Variants in MID1 observed in about 807,000 individuals in gnomAD.
MID1 encodes E3 ubiquitin-protein ligase Midline-1.
A neutral mutation model predicts 40.4 loss-of-function variants in MID1; 7 were observed. The ratio of observed to expected loss-of-function variants is 0.17; its 90% CI spans 0.10 to 0.33. The LOEUF (loss-of-function observed/expected upper bound fraction) is 0.33, where lower values mean the gene tolerates loss of function less well. Among genes scored for constraint, MID1 ranks in the 10% least tolerant of loss-of-function variants. The probability of loss-of-function intolerance (pLI) is 1.00; values close to 1 mark genes in which losing one functional copy is unlikely to be tolerated. For missense variants in MID1, 367 were observed against 558.5 expected, an observed-to-expected ratio of 0.66 and a Z score of 3.46; for synonymous variants, 229 against 221.2, an observed-to-expected ratio of 1.04 and a Z score of -0.31.
intron 1 of MID1, among the ~76,000 whole-genome samples, chrX:10,583,395 C>A (rs1275279051): frequency 1.8e-5 from 2 of 111,650 alleles, no homozygotes; most frequent in African/African-American, 6.5e-5. Context: ...TTTTTCCCTG[C>A]CAATAAACAA....
In MID1 at chrX:10,494,642, C is replaced by T. The variant is rs141268249; in HGVS notation, c.864+942G>A. 6.5e-3 allele frequency among the ~76,000 whole-genome samples: 705 copies of T among 108,714 alleles called. 3 individuals carry two copies. The highest frequency in any genetic ancestry group is 0.024 in the Middle Eastern group (5 of 212). 94.4% of individuals were successfully genotyped at this position (108,714 alleles called of 115,157 possible). ...TATAAAAATTAGCCAGGTGTGGTGG[C>T]CCATGCCTGTAGTCCCAGCTACTCA... On this transcript the variant is annotated intron_variant, in intron 4 of 9. Coordinates refer to ENST00000317552, the MANE Select transcript of MID1 (RefSeq NM_000381.4).
At position 10,530,569 on chromosome X, in the gene MID1, C is replaced by CA. The variant is rs200424658; in HGVS notation, c.661-7383dup. ...TTTCTTATAATTTTTATTTTTAATGCACACATTTTGGATGCATCTTCACAG... is the reference window on the plus strand; with the variant it reads ...TTTCTTATAATTTTTATTTTTAATGCAACACATTTTGGATGCATCTTCACAG... On this transcript the variant is annotated intron_variant, in intron 2 of 9. Coordinates refer to ENST00000317552, the MANE Select transcript of MID1 (RefSeq NM_000381.4). Among the ~76,000 whole-genome samples the CA allele has an allele frequency of 5.5e-3, 621 of 112,303 alleles. 8 individuals are homozygous for CA. Among genetic ancestry groups the CA allele is most frequent in the African/African-American group, 0.019 (598 of 30,932 alleles).
chrX:10,564,507 G>C (rs535214251), intron 2 of MID1, among the ~76,000 whole-genome samples: 2 of 111,809 alleles, frequency 1.8e-5, no homozygotes, highest in South Asian at 7.5e-4. Context: ...CGGTGCATTG[G>C]ATGCTGTTTA....
chrX:10,539,724 T>C (rs1282377544), intron 2 of MID1, among the ~76,000 whole-genome samples: 4 of 111,438 alleles, frequency 3.6e-5, no homozygotes, highest in African/African-American at 1.3e-4. Flanking sequence ...CAAAAAAAAA[T>C]CAAACCCTCT....
chrX:10,547,190 G>A (rs760443582), intron 2 of MID1, among the ~76,000 whole-genome samples: 243 of 110,849 alleles, frequency 2.2e-3, no homozygotes, highest in Non-Finnish European at 3.4e-3. Flanking sequence ...CTACTCTGGA[G>A]GCTGAGCCGG....
At chrX:10,696,075 GC>G (rs2043161903) in intron 1 of MID1, among the ~76,000 whole-genome samples, 1 of 110,826 alleles carries the variant, frequency 9.0e-6, no homozygotes, top group Non-Finnish European at 1.9e-5. Flanking sequence ...GGGAAAGACA[GC>G]CTCCCAATAC....
chrX:10,553,794 G>A (rs1179521956), intron 2 of MID1, among the ~76,000 whole-genome samples: 5 of 111,703 alleles, frequency 4.5e-5, no homozygotes, highest in Non-Finnish European at 9.4e-5. Flanking sequence ...GTGGAAACTA[G>A]CTCATCCTCA....
chrX:10,565,430 T>C, intron 2 of MID1: 1 of 331,395 alleles, frequency 3.0e-6, no homozygotes, highest in South Asian at 2.6e-5. Context: ...GAATAAACTA[T>C]GTGGTCCCAG....
intron 9 of MID1, among the ~76,000 whole-genome samples, chrX:10,454,155 TC>T (rs58245855): frequency 0.013 from 1,424 of 112,100 alleles, 21 homozygotes; most frequent in African/African-American, 0.044. Context: ...TTGCCCTTAT[TC>T]TTAGAGAACT....
intron 2 of MID1, among the ~76,000 whole-genome samples, chrX:10,556,897 T>C (rs893649453): frequency 2.7e-5 from 3 of 112,409 alleles, no homozygotes; most frequent in Non-Finnish European, 5.6e-5. Context: ...TTTAGCCACA[T>C]TCAGTTTCTC....
chrX:10,613,724 TATATATATAGAGAGAGAGAG>T (rs1342238952), intron 1 of MID1, among the ~76,000 whole-genome samples: 4 of 54,499 alleles, frequency 7.3e-5, no homozygotes, highest in South Asian at 9.3e-4. Flanking sequence ...TATATATATA[TATATATATAGAGAGAGAGAG>T]AGAGAGAGAG....
At chrX:10,817,572 CTCTCTTTCTTTCTT>C (rs1569178006) in intron 1 of MID1, among the ~76,000 whole-genome samples, 6 of 79,516 alleles carry the variant, frequency 7.5e-5, no homozygotes, top group African/African-American at 3.1e-4. Flanking sequence ...TTCTTTCTTT[CTCTCTTTCTTTCTT>C]TCTCTCTCTC....
chrX:10,538,062 C>T (rs183259232), intron 2 of MID1, among the ~76,000 whole-genome samples: 46 of 111,592 alleles, frequency 4.1e-4, no homozygotes, highest in Non-Finnish European at 8.1e-4. Context: ...GCCTTGACCT[C>T]CCAGGTTCAA....
chrX:10,494,484 T>A (rs146541073), intron 4 of MID1, among the ~76,000 whole-genome samples: 3,715 of 111,468 alleles, frequency 0.033, 173 homozygotes, highest in African/African-American at 0.11. Flanking sequence ...AAAATTATCC[T>A]TGGCCAGGCA....
intron 1 of MID1, among the ~76,000 whole-genome samples, chrX:10,632,673 AGGTAGGGCCGATGCTGTT>A (rs1231428724): frequency 2.7e-5 from 3 of 110,618 alleles, no homozygotes; most frequent in Non-Finnish European, 3.8e-5. Flanking sequence ...ACAAGTTCCC[AGGTAGGGCCGATGCTGTT>A]GGTTTTGGAA....
At chrX:10,797,837 G>A (rs1046148441) in intron 1 of MID1, among the ~76,000 whole-genome samples, 9 of 111,666 alleles carry the variant, frequency 8.1e-5, no homozygotes, top group African/African-American at 2.9e-4. Flanking sequence ...TCGATGCATT[G>A]TTACTCCTTA....
At chrX:10,601,876 A>AGTTTTT (rs1331447442) in intron 1 of MID1, among the ~76,000 whole-genome samples, 5 of 106,911 alleles carry the variant, frequency 4.7e-5, no homozygotes, top group South Asian at 4.1e-4. Flanking sequence ...ATGGAATTGG[A>AGTTTTT]GTTTTTGTTT....
intron 1 of MID1, among the ~76,000 whole-genome samples, chrX:10,689,813 G>A (rs1221107456): frequency 3.6e-5 from 4 of 110,051 alleles, no homozygotes; most frequent in Non-Finnish European, 5.7e-5. Context: ...TATTGGCTGT[G>A]CTTTCATGTC....
chrX:10,452,266 G>A (rs1337249500), intron 9 of MID1, among the ~76,000 whole-genome samples: 2 of 111,661 alleles, frequency 1.8e-5, no homozygotes, highest in African/African-American at 3.3e-5. Context: ...GCATGAACCC[G>A]TTATTACTCA....
Sources: gnomAD v4.1 joint callset for allele counts (sites outside exome capture counted in the v4.1 genomes callset) on GRCh38, gnomAD v4.1.1 for gene constraint, MANE v1.5 for transcripts, NCBI Gene and HGNC (gene_info 2026-07-23, HGNC 2026-07-21) for gene names.